Variants in IQSEC1 observed in about 807,000 individuals in gnomAD.
IQSEC1 encodes IQ motif and SEC7 domain-containing protein 1.
Under a neutral mutation model 91.0 loss-of-function variants are expected in IQSEC1, and 31 were observed. That is an observed-to-expected ratio of 0.34 (90% CI 0.26 to 0.46). The LOEUF is 0.46. Among genes scored for constraint, IQSEC1 ranks in the 20% least tolerant of loss-of-function variants. The pLI is 1.00. For missense variants in IQSEC1, 1,388 were observed against 1,575.6 expected, an observed-to-expected ratio of 0.88 and a Z score of 2.02; for synonymous variants, 699 against 662.6, an observed-to-expected ratio of 1.05 and a Z score of -0.84.
At chr3:13,164,108 C>T (rs901029180) in exon 2 of IQSEC1, among the ~76,000 whole-genome samples, 4 of 152,182 alleles carry the variant, frequency 2.6e-5, no homozygotes, top group Non-Finnish European at 2.9e-5. Context: ...ACATACCTGA[C>T]GCTCCGCGAG....
intron 2 of IQSEC1, among the ~76,000 whole-genome samples, chr3:13,106,357 C>T (rs564860340): frequency 3.9e-5 from 6 of 152,308 alleles, no homozygotes; most frequent in African/African-American, 1.4e-4. Flanking sequence ...GACCCAGGAC[C>T]CTGGAGTCCC....
rs552815336 is a variant in IQSEC1, at chr3:13,198,172, G to A, written c.273-34039C>T. ...ACAATTTCTGCTCATGCCCCACAGA[G>A]GACCCCTATAATTTAGTCCTACGGT... On this transcript the variant is annotated intron_variant, in intron 1 of 15. Coordinates refer to the IQSEC1 transcript ENST00000648114. 5.3e-5 allele frequency among the ~76,000 whole-genome samples: 8 copies of A among 152,266 alleles called. No individual in the cohort carries two copies. The South Asian group carries it at 1.4e-3, about 28-fold the overall frequency.
At chr3:13,156,854 G>A (rs1421549948) in intron 2 of IQSEC1, among the ~76,000 whole-genome samples, 1 of 152,228 alleles carries the variant, frequency 6.6e-6, no homozygotes, top group African/African-American at 2.4e-5. Context: ...TGAGGGAACA[G>A]CACAGGCAAA....
intron 8 of IQSEC1, 80 bp from the exon 9 acceptor site, chr3:12,913,633 C>T: frequency 1.4e-6 from 2 of 1,460,938 alleles, no homozygotes; most frequent in Non-Finnish European, 1.8e-6. Flanking sequence ...AGAAGTCTAG[C>T]CCTTCAAGCT....
chr3:13,202,406 T>C (rs1167517363), intron 1 of IQSEC1, among the ~76,000 whole-genome samples: 1 of 152,212 alleles, frequency 6.6e-6, no homozygotes, highest in Middle Eastern at 3.2e-3. Context: ...GCAACCCAAG[T>C]GACCATCGAT....
rs776944886 is a variant in IQSEC1 at position 13,078,856 on chromosome 3, G to A, written c.303-31334C>T. On this transcript the variant is annotated intron_variant, in intron 2 of 15. Transcript: ENST00000648114. ...AAGCCTGGCGTACCTTGTGCCAACC[G>A]CCCTTCTGCCCCTACTTCTCACCCT... Among the ~76,000 whole-genome samples the A allele has an allele frequency of 1.6e-4, 24 of 152,180 alleles. No homozygotes were observed. In the South Asian group the frequency reaches 2.1e-3, roughly 13 times the overall value.
At chr3:13,213,324 C>G (rs1694480014) in intron 1 of IQSEC1, among the ~76,000 whole-genome samples, 1 of 152,152 alleles carries the variant, frequency 6.6e-6, no homozygotes, top group South Asian at 2.1e-4. Flanking sequence ...CCATCTTGGC[C>G]CCCTGTGTAT....
chr3:13,264,930 T>C (rs1695461878), intron 1 of IQSEC1, among the ~76,000 whole-genome samples: 1 of 151,860 alleles, frequency 6.6e-6, no homozygotes, highest in Admixed American at 6.6e-5. Flanking sequence ...CTCTTTCTGT[T>C]TCTGTCTCTC....
At chr3:12,965,204 C>A (rs1700484342) in intron 1 of IQSEC1, among the ~76,000 whole-genome samples, 2 of 152,226 alleles carry the variant, frequency 1.3e-5, no homozygotes, top group South Asian at 4.1e-4. Flanking sequence ...CAGCAAAGTG[C>A]CACACACGCT....
intron 1 of IQSEC1, among the ~76,000 whole-genome samples, chr3:13,243,218 C>T (rs1008047764): frequency 2.6e-5 from 4 of 152,164 alleles, no homozygotes; most frequent in Non-Finnish European, 4.4e-5. Context: ...GAGCCTTCCC[C>T]GAGGTAACTT....
chr3:13,181,263 T>C (rs898217663), intron 1 of IQSEC1, among the ~76,000 whole-genome samples: 29 of 151,464 alleles, frequency 1.9e-4, no homozygotes, highest in Admixed American at 7.9e-4. Flanking sequence ...AGAGCGAGAC[T>C]CCGTCTCAAA....
intron 9 of IQSEC1, among the ~76,000 whole-genome samples, chr3:12,912,650 G>A (rs868611973): frequency 6.4e-5 from 8 of 125,752 alleles, no homozygotes; most frequent in African/African-American, 9.2e-5. Context: ...CCGCCTGGGC[G>A]ACAGAGCGAG....
At position 13,091,521 on chromosome 3, in the gene IQSEC1, C is replaced by A. The variant is rs970886735; in HGVS notation, c.303-43999G>T. ...TCTTTTCTCCCATCTCTTCCCCTGG[C>A]CTCCTGGCCTCCCTGCCCTCCCTGA... On this transcript the variant is annotated intron_variant, in intron 2 of 15. Coordinates refer to the IQSEC1 transcript ENST00000648114. Among the ~76,000 whole-genome samples the A allele has an allele frequency of 5.3e-5, 8 of 152,214 alleles. No individual in the cohort carries two copies. In the East Asian group the frequency reaches 1.5e-3, roughly 29 times the overall value.
chr3:13,187,953 G>T (rs1040952274), intron 1 of IQSEC1, among the ~76,000 whole-genome samples: 6 of 152,178 alleles, frequency 3.9e-5, no homozygotes, highest in African/African-American at 1.4e-4. Flanking sequence ...TCACCCCCCA[G>T]AGGCCCCATT....
At chr3:13,025,312 C>T (rs575078635) in intron 1 of IQSEC1, among the ~76,000 whole-genome samples, 32 of 152,376 alleles carry the variant, frequency 2.1e-4, no homozygotes, top group Non-Finnish European at 3.5e-4. Context: ...CAGTGACTCA[C>T]ACAGCCCGCT....
chr3:13,258,198 T>G (rs1168354017), intron 1 of IQSEC1, among the ~76,000 whole-genome samples: 1 of 152,152 alleles, frequency 6.6e-6, no homozygotes, highest in Non-Finnish European at 1.5e-5. Context: ...AATAATGATG[T>G]GTCAAAGTGG....
At position 12,900,542 on chromosome 3, in the gene IQSEC1, G is replaced by T; in HGVS notation, c.*441C>A. On this transcript the variant is annotated 3_prime_UTR_variant, in exon 14 of 14. Coordinates refer to ENST00000613206, the MANE Select transcript of IQSEC1 (RefSeq NM_001134382.3). ...CCATATCAGGTCTACTTATTTTTTT[G>T]CCCATTGTCAATAAAAGAGCAATAA... is the stretch of plus-strand genomic sequence containing the variant. 1.0e-6 allele frequency: 1 copy of T among 976,598 alleles called. No individual in the cohort carries two copies. Among genetic ancestry groups the T allele is most frequent in the Non-Finnish European group, 1.2e-6 (1 of 821,836 alleles). 60.5% of individuals were successfully genotyped at this position (976,598 alleles called of 1,614,324 possible).
chr3:12,908,162 C>T lies in IQSEC1; in HGVS notation c.2755+187G>A, dbSNP rs1695186093. 6.6e-6 allele frequency among the ~76,000 whole-genome samples: 1 copy of T among 152,242 alleles called. No homozygotes were observed. The highest frequency in any genetic ancestry group is 2.4e-5 in the African/African-American group (1 of 41,458). ...TCTTTTTGACGTTTGGGTCCTGTTTCCCTGTGTCTTTTTGGGGCGCCCTTT... is the reference window on the plus strand; with the variant it reads ...TCTTTTTGACGTTTGGGTCCTGTTTTCCTGTGTCTTTTTGGGGCGCCCTTT... On this transcript the variant is annotated intron_variant, in intron 12 of 13. Coordinates refer to ENST00000613206, the MANE Select transcript of IQSEC1 (RefSeq NM_001134382.3). This position sits in a 1 kb window ranked among gnomAD's most constrained non-coding sequence, Gnocchi z 4.9.
At chr3:12,974,120 TC>T (rs926856346) in intron 1 of IQSEC1, among the ~76,000 whole-genome samples, 2 of 152,026 alleles carry the variant, frequency 1.3e-5, no homozygotes, top group African/African-American at 4.8e-5. Flanking sequence ...GGCCACAGTG[TC>T]CCCCGCAAGG....
Sources: gnomAD v4.1 joint callset for allele counts (sites outside exome capture counted in the v4.1 genomes callset) on GRCh38, gnomAD v4.1.1 for gene constraint, Gnocchi (gnomAD v3.1) non-coding constraint, MANE v1.5 for transcripts, NCBI Gene and HGNC (gene_info 2026-07-23, HGNC 2026-07-21) for gene names.